PAX3: variants seen among roughly 807,000 people sequenced by gnomAD.
PAX3 encodes paired box 3, also known as paired box protein Pax-3.
PAX3 carries 14 observed loss-of-function variants against 51.6 expected under a neutral mutation model. That is an observed-to-expected ratio of 0.27 (90% CI 0.18 to 0.42). PAX3 has a LOEUF of 0.42. Among genes scored for constraint, PAX3 ranks in the 10% least tolerant of loss-of-function variants. The probability of loss-of-function intolerance (pLI) is 1.00; values close to 1 mark genes in which losing one functional copy is unlikely to be tolerated. For synonymous variants in PAX3, 280 were observed against 253.4 expected (o/e 1.11, Z -1.00); for missense variants, 540 against 642.8 (o/e 0.84, Z 1.73).
At chr2:222,214,803 C>T (rs1040673838) in intron 7 of PAX3, 2 of 152,076 alleles carry the variant, frequency 1.3e-5, no homozygotes, top group African/African-American at 4.8e-5. Context: ...TTACATCTTA[C>T]CCAAGACCTG....
At chr2:222,235,705 G>T (rs1183164217) in intron 4 of PAX3, among the ~76,000 whole-genome samples, 1 of 152,132 alleles carries the variant, frequency 6.6e-6, no homozygotes, top group African/African-American at 2.4e-5. Flanking sequence ...TGGAGGAGAA[G>T]GGCAAAAGCT....
intron 5 of PAX3, among the ~76,000 whole-genome samples, chr2:222,223,909 G>A (rs1236864207): frequency 2.6e-5 from 4 of 152,158 alleles, no homozygotes; most frequent in Non-Finnish European, 5.9e-5. Flanking sequence ...GTAAACCCAG[G>A]AGTGGTGAAG....
chr2:222,277,011 G>C (rs1048876930), intron 4 of PAX3, among the ~76,000 whole-genome samples: 1 of 152,212 alleles, frequency 6.6e-6, no homozygotes, highest in Non-Finnish European at 1.5e-5. Context: ...CTGTTAGTAT[G>C]TGGCTGTTAC....
intron 4 of PAX3, 122 bp from the exon 5 acceptor site, chr2:222,232,405 A>C: frequency 2.5e-6 from 2 of 806,220 alleles, no homozygotes; most frequent in South Asian, 1.7e-5. Context: ...CCTAAAGTAA[A>C]ATAAATGTGG....
chr2:222,250,639 GT>G (rs1693394183), intron 4 of PAX3, among the ~76,000 whole-genome samples: 1 of 152,156 alleles, frequency 6.6e-6, no homozygotes. Flanking sequence ...GGTTAGATTG[GT>G]TGGTTATTTC....
intron 4 of PAX3, among the ~76,000 whole-genome samples, chr2:222,268,623 C>CG (rs1213490748): frequency 6.6e-6 from 1 of 152,112 alleles, no homozygotes; most frequent in Non-Finnish European, 1.5e-5. Context: ...CTCGTTTCCA[C>CG]GGGGGGTTGG....
chr2:222,241,500 C>T (rs1693014923), intron 4 of PAX3, among the ~76,000 whole-genome samples: 1 of 152,190 alleles, frequency 6.6e-6, no homozygotes, highest in African/African-American at 2.4e-5. Context: ...CAAGCAGATG[C>T]AGACACAATA....
chr2:222,260,578 GTTTTTTT>G lies in PAX3; in HGVS notation c.587-28302_587-28296del, dbSNP rs1345531558. Among the ~76,000 whole-genome samples the G allele has an allele frequency of 1.1e-4, 7 of 61,714 alleles. No individual in the cohort carries two copies. The East Asian group carries it at 2.3e-3, about 21-fold the overall frequency. The allele number at this position is 61,714 out of a possible 152,430, so 40.5% of individuals were successfully genotyped here. ...TTTTTTTTTTTTGTTTTTTTTTTTT[GTTTTTTT>G]TTTTTGTTTTTTTTTTTTTTTTTTG... On this transcript the variant is annotated intron_variant, in intron 4 of 8. Transcript: ENST00000392070.
chr2:222,216,958 C>T (rs1156523102), intron 7 of PAX3, among the ~76,000 whole-genome samples: 1 of 152,170 alleles, frequency 6.6e-6, no homozygotes, highest in Non-Finnish European at 1.5e-5. Flanking sequence ...GTGAACTGAT[C>T]ACAGTGACTC....
At chr2:222,294,407 C>T in intron 3 of PAX3, 106 bp from the exon 4 acceptor site, 1 of 1,265,188 alleles carries the variant, frequency 7.9e-7, no homozygotes, top group Non-Finnish European at 1.1e-6. Flanking sequence ...GGCCCTAGAG[C>T]CGCTGCCCTG....
In PAX3 at chr2:222,290,252, C is replaced by G. The variant is rs539027993; in HGVS notation, c.586+3915G>C. ...TGATTAATCTTCTCCTACCTCCCCC[C>G]CAAAAAGCTGAAGTCGTCCTCGTTA... is the stretch of plus-strand genomic sequence containing the variant. On this transcript the variant is annotated intron_variant, in intron 4 of 8. Coordinates refer to ENST00000392070, the MANE Select transcript of PAX3 (RefSeq NM_181458.4). 6.6e-5 allele frequency among the ~76,000 whole-genome samples: 10 copies of G among 152,308 alleles called. No individual in the cohort carries two copies. In the South Asian group the frequency reaches 1.4e-3, roughly 22 times the overall value.
At position 222,296,188 on chromosome 2, in the gene PAX3, C is replaced by G. The variant is rs371520345; in HGVS notation, c.322-531G>C. Among the ~76,000 whole-genome samples, 85 of 152,238 alleles carry G rather than the reference C, an allele frequency of 5.6e-4. 1 individual carries two copies. In the Middle Eastern group the frequency reaches 0.01, roughly 18 times the overall value. On this transcript the variant is annotated intron_variant, in intron 2 of 8. Transcript: ENST00000392070. The stretch of plus-strand genomic sequence containing the variant: ...AAGAGAGACTGACTCTTCTCTCTAC[C>G]CCCAATATATATTTTTTAAAAAGAA...
intron 4 of PAX3, among the ~76,000 whole-genome samples, chr2:222,261,601 CAAA>C (rs61534527): frequency 9.2e-6 from 1 of 109,136 alleles, no homozygotes; most frequent in Non-Finnish European, 2.0e-5. Context: ...ACAACAACAA[CAAA>C]AAAAAAAAAA....
intron 4 of PAX3, among the ~76,000 whole-genome samples, chr2:222,280,691 C>T (rs1330925023): frequency 6.6e-6 from 1 of 152,138 alleles, no homozygotes; most frequent in Non-Finnish European, 1.5e-5. Context: ...TTTCCATAGA[C>T]AAGGAGAAGA....
chr2:222,215,892 C>T (rs372099872), intron 7 of PAX3, among the ~76,000 whole-genome samples: 103 of 152,216 alleles, frequency 6.8e-4, no homozygotes, highest in African/African-American at 2.4e-3. Context: ...CTTCCCAGAG[C>T]GTATTTTGTC....
chr2:222,232,026 G>T, intron 5 of PAX3, 52 bp downstream of exon 5: 1 of 1,534,106 alleles, frequency 6.5e-7, no homozygotes, highest in Non-Finnish European at 9.0e-7. Context: ...GAAGATGCTT[G>T]TTTGTTTCCT....
At chr2:222,234,561 G>T (rs572382407) in intron 4 of PAX3, among the ~76,000 whole-genome samples, 3 of 152,222 alleles carry the variant, frequency 2.0e-5, no homozygotes, top group South Asian at 2.1e-4. Flanking sequence ...TGACCTGGAG[G>T]GCTTGGTAAA....
chr2:222,267,468 T>A (rs765254195), intron 4 of PAX3, among the ~76,000 whole-genome samples: 4 of 152,224 alleles, frequency 2.6e-5, no homozygotes, highest in African/African-American at 4.8e-5. Context: ...AAAACACTTT[T>A]TCAAAATTAT....
chr2:222,256,771 C>T (rs959243337), intron 4 of PAX3, among the ~76,000 whole-genome samples: 4 of 152,142 alleles, frequency 2.6e-5, no homozygotes, highest in African/African-American at 9.7e-5. Flanking sequence ...GAGAAAGTAA[C>T]CTGACATCAT....
Sources: allele counts gnomAD v4.1 joint callset (sites outside exome capture counted in the v4.1 genomes callset), GRCh38; gene constraint gnomAD v4.1.1; transcripts MANE v1.5; gene names NCBI Gene and HGNC (gene_info 2026-07-23, HGNC 2026-07-21).